Variants in CHRDL1 observed in about 807,000 individuals in gnomAD.
CHRDL1 encodes the protein chordin-like protein 1.
CHRDL1 carries 19 observed loss-of-function variants against 40.9 expected under a neutral mutation model. The ratio of observed to expected loss-of-function variants is 0.46; its 90% CI spans 0.32 to 0.68. CHRDL1 has a LOEUF of 0.68. Among genes scored for constraint, CHRDL1 ranks in the 30% least tolerant of loss-of-function variants. The pLI, the probability that CHRDL1 is intolerant of heterozygous loss-of-function variation, is 0.03. For synonymous variants in CHRDL1, 136 were observed against 123.4 expected, an observed-to-expected ratio of 1.10 and a Z score of -0.68; for missense variants, 329 against 352.1, an observed-to-expected ratio of 0.93 and a Z score of 0.53.
intron 4 of CHRDL1, among the ~76,000 whole-genome samples, chrX:110,728,105 A>G (rs1005937278): frequency 2.3e-4 from 25 of 110,782 alleles, no homozygotes; most frequent in Non-Finnish European, 3.6e-4. Flanking sequence ...ATGTAAATGA[A>G]AAAATATTTT....
intron 2 of CHRDL1, among the ~76,000 whole-genome samples, chrX:110,769,024 T>G (rs1200007859): frequency 8.9e-6 from 1 of 111,997 alleles, no homozygotes; most frequent in Non-Finnish European, 1.9e-5. Context: ...ACAGTTCACT[T>G]GAGCACATAC....
rs1569462472 is a variant in CHRDL1, at chrX:110,689,925, ATATATCTATATATATC to A, written c.779-1138_779-1123del. ...TATATCTATATATCTATATATATCT[ATATATCTATATATATC>A]TATATATCTATATATATCTATATAT... On this transcript the variant is annotated intron_variant, in intron 8 of 11. Transcript: ENST00000372042. 3.4e-4 allele frequency among the ~76,000 whole-genome samples: 24 copies of A among 71,428 alleles called. 7 individuals are homozygous for A. Among genetic ancestry groups the A allele is most frequent in the African/African-American group, 5.6e-4 (7 of 12,581 alleles). 62.0% of individuals were successfully genotyped at this position (71,428 alleles called of 115,157 possible).
chrX:110,767,996 T>C (rs1357108787), intron 2 of CHRDL1, among the ~76,000 whole-genome samples: 1 of 112,312 alleles, frequency 8.9e-6, no homozygotes, highest in Non-Finnish European at 1.9e-5. Flanking sequence ...AAGGCCATAG[T>C]CAGCAATACA....
intron 2 of CHRDL1, among the ~76,000 whole-genome samples, chrX:110,763,646 G>C (rs962132002): frequency 3.7e-5 from 4 of 109,343 alleles, no homozygotes; most frequent in Non-Finnish European, 7.6e-5. Flanking sequence ...TGATTGATGG[G>C]CATTTGGGTT....
At chrX:110,679,200 A>T in intron 11 of CHRDL1, 136 bp downstream of exon 11, 1 of 494,393 alleles carries the variant, frequency 2.0e-6, no homozygotes, top group South Asian at 3.2e-5. Context: ...CCCAGAAGAG[A>T]GATGGAACAT....
intron 4 of CHRDL1, among the ~76,000 whole-genome samples, chrX:110,738,539 G>A (rs1431519992): frequency 1.8e-5 from 2 of 110,015 alleles, no homozygotes; most frequent in African/African-American, 3.3e-5. Context: ...TCAAGAGATC[G>A]AGACCATCCT....
Position 110,686,897 on chromosome X carries a change from AT to A in CHRDL1, c.988+1696del, listed in dbSNP as rs1569460336. ...AGACTCTGTCTCAAAAAAACAAAAA[AT>A]AAAAAAAAAAATAAAAAGAATGTGT... is the stretch of plus-strand genomic sequence containing the variant. On this transcript the variant is annotated intron_variant, in intron 9 of 11. Transcript: ENST00000372042. 3.2e-4 allele frequency among the ~76,000 whole-genome samples: 33 copies of A among 101,652 alleles called. 1 individual carries two copies. The highest frequency in any genetic ancestry group is 1.3e-3 in the Admixed American group (13 of 9,831). 88.3% of individuals were successfully genotyped at this position (101,652 alleles called of 115,157 possible). A position where few individuals can be genotyped will look rare whatever the true frequency, so the allele number is the denominator to read the frequency against.
chrX:110,699,762 G>A (rs189790142), intron 7 of CHRDL1, among the ~76,000 whole-genome samples: 13 of 112,374 alleles, frequency 1.2e-4, no homozygotes, highest in Admixed American at 1.9e-4. Flanking sequence ...TAGATGTACC[G>A]TATTCTTTTA....
intron 2 of CHRDL1, among the ~76,000 whole-genome samples, chrX:110,777,396 T>C (rs1190401337): frequency 9.0e-6 from 1 of 111,307 alleles, no homozygotes; most frequent in African/African-American, 3.3e-5. Flanking sequence ...ACGGTAAAAG[T>C]ATGTTTAGTT....
intron 4 of CHRDL1, among the ~76,000 whole-genome samples, chrX:110,747,318 G>A (rs964318967): frequency 9.2e-6 from 1 of 109,044 alleles, no homozygotes; most frequent in Non-Finnish European, 1.9e-5. Context: ...TAGAGGACAA[G>A]GAGCACACCT....
chrX:110,676,461 A>G (rs1411635894), intron 11 of CHRDL1, 100 bp from the exon 12 acceptor site: 1 of 767,225 alleles, frequency 1.3e-6, no homozygotes, highest in Non-Finnish European at 1.8e-6. Flanking sequence ...CCACTTACTC[A>G]TGGACCTACC....
intron 4 of CHRDL1, among the ~76,000 whole-genome samples, chrX:110,730,389 G>T (rs2071136206): frequency 9.0e-6 from 1 of 110,679 alleles, no homozygotes. Flanking sequence ...GTGTGATTTA[G>T]CCAAGCAGTT....
chrX:110,740,995 T>C (rs961821440), intron 4 of CHRDL1, among the ~76,000 whole-genome samples: 2 of 112,486 alleles, frequency 1.8e-5, no homozygotes, highest in Non-Finnish European at 3.7e-5. Flanking sequence ...ATATACTATT[T>C]GGCCCTTTAC....
At chrX:110,764,060 T>G (rs1471765830) in intron 2 of CHRDL1, among the ~76,000 whole-genome samples, 1 of 111,946 alleles carries the variant, frequency 8.9e-6, no homozygotes, top group Non-Finnish European at 1.9e-5. Context: ...TTTTGAGAAT[T>G]GTCTATTCAT....
rs147128392 is a variant in CHRDL1, at chrX:110,792,163, T to C, written c.19A>G (p.Met7Val). 2.0e-4 allele frequency: 237 copies of C among 1,176,809 alleles called. 1 individual carries two copies. The South Asian group carries it at 2.2e-3, about 11-fold the overall frequency. Reference protein sequence around the residue: MRKKWKMGGMKYIFSLL... With the variant: MRKKWKVGGMKYIFSLL... ...GAAAAGATGTATTTCATGCCTCCCA[T>C]TTTCCACTTTTTTCTCATTTGGACC... The change falls in exon 2 of 12, where the codon ATG (methionine) becomes GTG (valine). Residue 7 changes from methionine (M) to valine (V), a missense_variant. By Grantham distance (21) the Met-to-Val change is conservative. Transcript: ENST00000372042.
intron 11 of CHRDL1, among the ~76,000 whole-genome samples, chrX:110,677,272 T>C (rs2069797633): frequency 9.0e-6 from 1 of 111,103 alleles, no homozygotes; most frequent in African/African-American, 3.3e-5. Context: ...TATGACTCAA[T>C]GGGAAGATAG....
chrX:110,773,986 C>T, intron 2 of CHRDL1, among the ~76,000 whole-genome samples: 1 of 111,120 alleles, frequency 9.0e-6, no homozygotes, highest in Admixed American at 9.6e-5. Context: ...TAGAAGCCTC[C>T]AGCTCTAATA....
intron 4 of CHRDL1, among the ~76,000 whole-genome samples, chrX:110,753,601 C>A (rs73528251): frequency 0.025 from 2,756 of 111,705 alleles, 81 homozygotes; most frequent in African/African-American, 0.084. Flanking sequence ...CTCTTTTGAA[C>A]CTTCCCTAGA....
At chrX:110,739,933 G>A (rs1370991220) in intron 4 of CHRDL1, among the ~76,000 whole-genome samples, 1 of 112,619 alleles carries the variant, frequency 8.9e-6, no homozygotes, top group Non-Finnish European at 1.9e-5. Context: ...CAAAACCAGA[G>A]TTATGGGAGG....
Sources: gnomAD v4.1 joint callset for allele counts (sites outside exome capture counted in the v4.1 genomes callset) on GRCh38, gnomAD v4.1.1 for gene constraint, MANE v1.5 for transcripts, NCBI Gene and HGNC (gene_info 2026-07-23, HGNC 2026-07-21) for gene names.